Variants in PTPRK observed in about 807,000 individuals in gnomAD.
The protein encoded by PTPRK is receptor-type tyrosine-protein phosphatase kappa.
In PTPRK, 75 loss-of-function variants were observed where a neutral mutation model predicts 178.0. That is an observed-to-expected ratio of 0.42 (90% confidence interval 0.35 to 0.51). The LOEUF is 0.51. Ranked by LOEUF, PTPRK falls within the 20% of genes least tolerant of loss-of-function variation. The probability of loss-of-function intolerance (pLI) is 0.02; values close to 1 mark genes in which losing one functional copy is unlikely to be tolerated. For synonymous variants in PTPRK, 637 were observed against 620.6 expected (o/e 1.03, Z -0.39); for missense variants, 1,441 against 1,797.8 (o/e 0.80, Z 3.59).
At chr6:128,038,747 T>C (rs1776660052) in intron 13 of PTPRK, among the ~76,000 whole-genome samples, 1 of 152,202 alleles carries the variant, frequency 6.6e-6, no homozygotes, top group African/African-American at 2.4e-5. Context: ...TTTTTTCATT[T>C]TTCAAAGTGC....
chr6:128,044,754 T>C (rs1423689434), intron 13 of PTPRK, among the ~76,000 whole-genome samples: 1 of 152,028 alleles, frequency 6.6e-6, no homozygotes, highest in Non-Finnish European at 1.5e-5. Context: ...CAAAATCACA[T>C]TATACTGCTC....
chr6:127,974,798 T>C (rs1017291415), intron 27 of PTPRK, among the ~76,000 whole-genome samples: 5 of 152,184 alleles, frequency 3.3e-5, no homozygotes, highest in African/African-American at 1.2e-4. Flanking sequence ...AAATAAAGAT[T>C]CCTTAAGTAC....
intron 7 of PTPRK, among the ~76,000 whole-genome samples, chr6:128,147,731 C>T (rs150571472): frequency 2.6e-4 from 40 of 152,014 alleles, no homozygotes; most frequent in African/African-American, 6.7e-4. Context: ...ATAGATCATA[C>T]GAAAACAACA....
At chr6:128,299,383 T>C (rs1825129623) in intron 3 of PTPRK, among the ~76,000 whole-genome samples, 2 of 151,920 alleles carry the variant, frequency 1.3e-5, no homozygotes, top group Non-Finnish European at 2.9e-5. Context: ...TTAAAGTTCA[T>C]ATGGAATCAA....
At chr6:128,155,760 T>C (rs1181687780) in intron 7 of PTPRK, among the ~76,000 whole-genome samples, 2 of 151,874 alleles carry the variant, frequency 1.3e-5, no homozygotes, top group Admixed American at 1.3e-4. Flanking sequence ...CCTCAATTCT[T>C]GTGACAGAAC....
At chr6:128,292,363 G>T (rs1232490549) in intron 3 of PTPRK, among the ~76,000 whole-genome samples, 4 of 151,856 alleles carry the variant, frequency 2.6e-5, no homozygotes, top group Admixed American at 6.6e-5. Context: ...TTTTTAAAAA[G>T]ACTTTGAAGA....
At chr6:128,185,053 G>A (rs1003966563) in intron 6 of PTPRK, among the ~76,000 whole-genome samples, 1 of 152,116 alleles carries the variant, frequency 6.6e-6, no homozygotes, top group African/African-American at 2.4e-5. Context: ...TAAGAGAGTA[G>A]AGTTGATCTT....
At chr6:128,020,713 A>G (rs931655314) in intron 13 of PTPRK, among the ~76,000 whole-genome samples, 4 of 152,168 alleles carry the variant, frequency 2.6e-5, no homozygotes, top group African/African-American at 9.7e-5. Flanking sequence ...TAAGAACGTG[A>G]TGTGATCTAA....
chr6:128,194,083 T>TATC lies in PTPRK; in HGVS notation c.869-9359_869-9358insGAT, dbSNP rs1190450169. Among the ~76,000 whole-genome samples, 3 of 146,874 alleles carry TATC rather than the reference T, an allele frequency of 2.0e-5. No homozygotes were observed. The East Asian group carries it at 6.3e-4, about 31-fold the overall frequency. On this transcript the variant is annotated intron_variant, in intron 6 of 29. Transcript: ENST00000368226. ...ATATATATATTATTATTATTATTAT[T>TATC]ATTATTATTATTATTATTAGGAAAC...
chr6:128,482,589 G>A (rs1007101659), intron 1 of PTPRK, among the ~76,000 whole-genome samples: 1 of 152,174 alleles, frequency 6.6e-6, no homozygotes, highest in African/African-American at 2.4e-5. Flanking sequence ...CTTAGATAGT[G>A]AGAAGTTAAC....
chr6:127,998,835 G>C lies in PTPRK; in HGVS notation c.2564C>G (p.Thr855Arg). Residue 855 changes from threonine (T) to arginine (R), a missense_variant, in exon 16 of 30, where the codon ACG (threonine) becomes AGG (arginine). Coordinates refer to ENST00000368226, the MANE Select transcript of PTPRK (RefSeq NM_002844.4). ...LDVPRYLCEG[T>R]ESPYQTGQLH... Reference sequence around the variant, plus strand: ...CTGTCCTGTCTGGTAAGGGGATTCCGTCCCCTCACAGAGGTAGCGAGGTAC... The same window carrying C: ...CTGTCCTGTCTGGTAAGGGGATTCCCTCCCCTCACAGAGGTAGCGAGGTAC... 5 of 1,608,670 alleles carry C rather than the reference G, an allele frequency of 3.1e-6. No individual in the cohort carries two copies. Among genetic ancestry groups the C allele is most frequent in the Non-Finnish European group, 4.2e-6 (5 of 1,176,626 alleles).
At chr6:128,464,609 A>G (rs1378990730) in intron 1 of PTPRK, among the ~76,000 whole-genome samples, 1 of 113,924 alleles carries the variant, frequency 8.8e-6, no homozygotes, top group African/African-American at 3.5e-5. Flanking sequence ...AAATATATAT[A>G]TATACATATA....
At chr6:128,391,232 C>T (rs1307165333) in intron 2 of PTPRK, among the ~76,000 whole-genome samples, 1 of 152,074 alleles carries the variant, frequency 6.6e-6, no homozygotes. Context: ...AATCTAACAC[C>T]TATATCCAGT....
chr6:128,197,090 T>C (rs1288431918), intron 6 of PTPRK, among the ~76,000 whole-genome samples: 2 of 152,142 alleles, frequency 1.3e-5, no homozygotes, highest in East Asian at 1.9e-4. Flanking sequence ...CTAATATAAG[T>C]TGATAGCTGA....
chr6:128,214,983 A>G (rs1186465029), intron 6 of PTPRK, among the ~76,000 whole-genome samples: 1 of 152,182 alleles, frequency 6.6e-6, no homozygotes, highest in Non-Finnish European at 1.5e-5. Flanking sequence ...ACAGACTAAA[A>G]TATTAACTAA....
chr6:128,380,156 C>G (rs1324232899), intron 2 of PTPRK, among the ~76,000 whole-genome samples: 1 of 151,858 alleles, frequency 6.6e-6, no homozygotes, highest in East Asian at 1.9e-4. Flanking sequence ...TCATCAATAA[C>G]AGAAAAAACC....
chr6:128,017,474 T>C (rs1779707279), intron 13 of PTPRK, among the ~76,000 whole-genome samples: 1 of 151,680 alleles, frequency 6.6e-6, no homozygotes, highest in Non-Finnish European at 1.5e-5. Context: ...AAATTGATCA[T>C]GCTTTCATCT....
intron 16 of PTPRK, among the ~76,000 whole-genome samples, chr6:127,997,215 GA>G: frequency 6.6e-6 from 1 of 151,836 alleles, no homozygotes; most frequent in Middle Eastern, 3.4e-3. Context: ...TAACTTTAGA[GA>G]AAAAAAATGG....
chr6:128,360,279 C>G (rs990195145), intron 2 of PTPRK, among the ~76,000 whole-genome samples: 1 of 152,090 alleles, frequency 6.6e-6, no homozygotes, highest in Non-Finnish European at 1.5e-5. Flanking sequence ...AAGTAACAGG[C>G]CAGAGTACTA....
Sources: gnomAD v4.1 joint callset for allele counts (sites outside exome capture counted in the v4.1 genomes callset) on GRCh38, gnomAD v4.1.1 for gene constraint, MANE v1.5 for transcripts, NCBI Gene and HGNC (gene_info 2026-07-23, HGNC 2026-07-21) for gene names.